Variants in MAN1C1 observed in about 807,000 individuals in gnomAD.
MAN1C1 encodes mannosidase alpha class 1C member 1.
A neutral mutation model predicts 71.5 loss-of-function variants in MAN1C1; 49 were observed. The observed-to-expected ratio is 0.69, with a 90% CI of 0.54 to 0.87. The LOEUF (loss-of-function observed/expected upper bound fraction) is 0.87. Ranked by LOEUF, MAN1C1 falls within the 40% of genes least tolerant of loss-of-function variation. The pLI is 0.00. For synonymous variants in MAN1C1, 352 were observed against 343.7 expected (o/e 1.02, Z -0.27); for missense variants, 743 against 835.0 (o/e 0.89, Z 1.36).
intron 1 of MAN1C1, among the ~76,000 whole-genome samples, chr1:25,643,848 T>C (rs1172453825): frequency 6.6e-6 from 1 of 152,064 alleles, no homozygotes; most frequent in Non-Finnish European, 1.5e-5. Context: ...CTAACATTAT[T>C]GTCCTAAAAA....
chr1:25,708,723 G>C (rs1009315965), intron 2 of MAN1C1, among the ~76,000 whole-genome samples: 1 of 152,072 alleles, frequency 6.6e-6, no homozygotes, highest in Non-Finnish European at 1.5e-5. Flanking sequence ...TGTCTCTACT[G>C]AAAATACAAA....
chr1:25,771,803 G>T (rs773510636), intron 8 of MAN1C1, 31 bp downstream of exon 8: 35 of 1,551,462 alleles, frequency 2.3e-5, no homozygotes, highest in African/African-American at 5.4e-5. Context: ...TTCACAGGCC[G>T]CTGGTCACCA....
intron 1 of MAN1C1, among the ~76,000 whole-genome samples, chr1:25,650,474 T>C (rs928608525): frequency 3.9e-5 from 6 of 152,214 alleles, no homozygotes; most frequent in African/African-American, 7.2e-5. Flanking sequence ...CACGTAACTC[T>C]TGCTTCTGAG....
At chr1:25,766,200 G>C (rs1245875669) in intron 7 of MAN1C1, among the ~76,000 whole-genome samples, 1 of 152,158 alleles carries the variant, frequency 6.6e-6, no homozygotes, top group Non-Finnish European at 1.5e-5. Context: ...TCGCATATGG[G>C]AAATTGTTTC....
In MAN1C1 at chr1:25,744,913, G is replaced by C. The variant is rs74550673; in HGVS notation, c.638-1755G>C. Among the ~76,000 whole-genome samples, 991 of 152,314 alleles carry C rather than the reference G, an allele frequency of 6.5e-3. 17 individuals are homozygous for C. The highest frequency in any genetic ancestry group is 0.023 in the African/African-American group (951 of 41,560). On this transcript the variant is annotated intron_variant, in intron 2 of 11. Transcript: ENST00000374332. ...TCTCAATGTTTTCAGCCTCTGCAGG[G>C]AGGACACTGAAGGAACAATTACTCC...
rs533956032 is a variant in MAN1C1 at position 25,668,491 on chromosome 1, G to T, written c.541-17949G>T. 1.9e-4 allele frequency among the ~76,000 whole-genome samples: 29 copies of T among 152,180 alleles called. 1 individual carries two copies. In the South Asian group the frequency reaches 6.0e-3, roughly 32 times the overall value. On this transcript the variant is annotated intron_variant, in intron 1 of 11. Coordinates refer to ENST00000374332, the MANE Select transcript of MAN1C1 (RefSeq NM_020379.4). ...GTGGGGAGAGGTAGAGAAAAGAACG[G>T]TTAACATGCAGAGATTGGAATCGGA...
chr1:25,714,393 A>T (rs949990197), intron 2 of MAN1C1, among the ~76,000 whole-genome samples: 3 of 152,214 alleles, frequency 2.0e-5, no homozygotes, highest in Non-Finnish European at 4.4e-5. Context: ...CTTTGTTTAT[A>T]AGTAAAACTA....
At chr1:25,763,808 AGCAGG>A in intron 6 of MAN1C1, 61 bp from the exon 7 acceptor site, 2 of 1,314,320 alleles carry the variant, frequency 1.5e-6, no homozygotes. Context: ...TCCCATCCTC[AGCAGG>A]CTGGGTGCAG....
chr1:25,656,992 A>AT (rs1249204139), intron 1 of MAN1C1, among the ~76,000 whole-genome samples: 2 of 152,038 alleles, frequency 1.3e-5, no homozygotes, highest in Non-Finnish European at 2.9e-5. Context: ...TGTCCGGCTA[A>AT]TTTTTTGTAT....
intron 5 of MAN1C1, among the ~76,000 whole-genome samples, chr1:25,754,816 A>C (rs1219484568): frequency 6.6e-6 from 1 of 152,140 alleles, no homozygotes; most frequent in Non-Finnish European, 1.5e-5. Flanking sequence ...ACGAATCCTG[A>C]CATTTGTGAT....
At chr1:25,718,037 C>G (rs548098717) in intron 2 of MAN1C1, among the ~76,000 whole-genome samples, 1 of 152,064 alleles carries the variant, frequency 6.6e-6, no homozygotes, top group East Asian at 1.9e-4. Flanking sequence ...TAGCCATTCC[C>G]CCATTCTTTC....
intron 2 of MAN1C1, among the ~76,000 whole-genome samples, chr1:25,739,346 C>G (rs1178976977): frequency 6.6e-6 from 1 of 152,156 alleles, no homozygotes; most frequent in African/African-American, 2.4e-5. Context: ...TCTGTGGATG[C>G]TGAGAAAAAC....
intron 1 of MAN1C1, among the ~76,000 whole-genome samples, chr1:25,625,506 T>C (rs1258585087): frequency 1.3e-5 from 2 of 152,172 alleles, no homozygotes; most frequent in Non-Finnish European, 2.9e-5. Context: ...TTTTGCCTGT[T>C]CTAGAACTTC....
intron 1 of MAN1C1, among the ~76,000 whole-genome samples, chr1:25,678,188 T>C (rs1301093495): frequency 6.6e-6 from 1 of 152,208 alleles, no homozygotes; most frequent in Non-Finnish European, 1.5e-5. Context: ...AATTTTGTGT[T>C]CTGCCTTTCC....
chr1:25,748,752 A>G (rs1340447542), intron 3 of MAN1C1, among the ~76,000 whole-genome samples: 1 of 152,230 alleles, frequency 6.6e-6, no homozygotes, highest in East Asian at 1.9e-4. Flanking sequence ...ACTGCTGTTC[A>G]CTGAATACGT....
chr1:25,632,822 C>G (rs2045402328), intron 1 of MAN1C1, among the ~76,000 whole-genome samples: 1 of 150,192 alleles, frequency 6.7e-6, no homozygotes, highest in Non-Finnish European at 1.5e-5. Context: ...TGATTTCTAG[C>G]TTTATTCCAC....
At chr1:25,766,940 C>T (rs537300326) in intron 7 of MAN1C1, among the ~76,000 whole-genome samples, 21 of 152,068 alleles carry the variant, frequency 1.4e-4, no homozygotes, top group Non-Finnish European at 2.5e-4. Context: ...GTGTGACGAG[C>T]GCATTGGCAC....
rs1051073716 is a variant in MAN1C1 at position 25,683,260 on chromosome 1, G to C, written c.541-3180G>C. 7.2e-5 allele frequency among the ~76,000 whole-genome samples: 11 copies of C among 152,104 alleles called. No homozygotes were observed. In the South Asian group the frequency reaches 8.3e-4, roughly 11 times the overall value. On this transcript the variant is annotated intron_variant, in intron 1 of 11. Coordinates refer to ENST00000374332, the MANE Select transcript of MAN1C1 (RefSeq NM_020379.4). ...TGTCCATCAGAACTCTTGTTCATCT[G>C]TCCACGAAGCTTCCCTTGAGACACA...
rs528657729 is a variant in MAN1C1, at chr1:25,735,266, A to G, written c.638-11402A>G. On this transcript the variant is annotated intron_variant, in intron 2 of 11. Transcript: ENST00000374332. This position sits in a 1 kb window ranked among gnomAD's most constrained non-coding sequence, Gnocchi z 4.6. ...ATCCCCACCTCTGCCAAAAACACAA[A>G]AATTAGCCGGGCATGCTGACGCATG... is the stretch of plus-strand genomic sequence containing the variant. Among the ~76,000 whole-genome samples, 1 of 152,178 alleles carries G rather than the reference A, an allele frequency of 6.6e-6. No individual in the cohort carries two copies. The highest frequency in any genetic ancestry group is 1.9e-4 in the East Asian group (1 of 5,192).
Sources: gnomAD v4.1 joint callset for allele counts (sites outside exome capture counted in the v4.1 genomes callset) on GRCh38, gnomAD v4.1.1 for gene constraint, Gnocchi (gnomAD v3.1) non-coding constraint, MANE v1.5 for transcripts, NCBI Gene and HGNC (gene_info 2026-07-23, HGNC 2026-07-21) for gene names.